MYO5A: variants seen among roughly 807,000 people sequenced by gnomAD.
MYO5A encodes the protein myosin VA, also known as unconventional myosin-Va.
Under a neutral mutation model 249.7 loss-of-function variants are expected in MYO5A, and 98 were observed. That is an observed-to-expected ratio of 0.39 (90% CI 0.33 to 0.46). The LOEUF is 0.46. MYO5A is among the 20% of genes least tolerant of loss of function. The pLI is 0.98. For missense variants in MYO5A, 1,696 were observed against 2,308.8 expected (o/e 0.73, Z 5.44); for synonymous variants, 778 against 810.6 (o/e 0.96, Z 0.68).
intron 35 of MYO5A, among the ~76,000 whole-genome samples, chr15:52,328,807 T>C (rs2038734776): frequency 6.6e-6 from 1 of 152,206 alleles, no homozygotes; most frequent in Admixed American, 6.5e-5. Flanking sequence ...CTGCTCCAAA[T>C]GGGTCTCCTT....
chr15:52,348,511 C>G (rs1226558680), intron 29 of MYO5A, among the ~76,000 whole-genome samples: 1 of 152,098 alleles, frequency 6.6e-6, no homozygotes, highest in Non-Finnish European at 1.5e-5. Flanking sequence ...GAGTGTACTC[C>G]AAGTTAAGGG....
At chr15:52,433,669 G>A (rs1595674580) in intron 1 of MYO5A, among the ~76,000 whole-genome samples, 1 of 151,892 alleles carries the variant, frequency 6.6e-6, no homozygotes, top group South Asian at 2.1e-4. Context: ...TGATCCACCC[G>A]CCTCAGCCTC....
rs1320136208 is a variant in MYO5A at position 52,389,270 on chromosome 15, T to C, written c.1636A>G (p.Lys546Glu). 1 of 1,613,554 alleles carries C rather than the reference T, an allele frequency of 6.2e-7. No homozygotes were observed. The highest frequency in any genetic ancestry group is 2.2e-5 in the East Asian group (1 of 44,836). ...GCAAAATGTTGGATGATGAAAGCTT[T>C]GTTTGATAGACGAGGCTTTTCAAAG... is the stretch of plus-strand genomic sequence containing the variant. ...ALFEKPRLSN[K>E]AFIIQHFADK... Residue 546 changes from lysine (K) to glutamate (E), a missense_variant, in exon 13 of 42, where the codon AAA becomes GAA. Physicochemically the swap from Lys to Glu is moderately conservative, Grantham distance 56 (BLOSUM62 1). Coordinates refer to ENST00000399233, the MANE Select transcript of MYO5A (RefSeq NM_001382347.1).
chr15:52,500,025 C>T (rs927671823), intron 1 of MYO5A, among the ~76,000 whole-genome samples: 1 of 151,702 alleles, frequency 6.6e-6, no homozygotes, highest in East Asian at 1.9e-4. Flanking sequence ...TGCACTTCAG[C>T]GTAGGTGACA....
intron 1 of MYO5A, among the ~76,000 whole-genome samples, chr15:52,450,850 T>TG (rs1266465666): frequency 1.3e-5 from 1 of 74,166 alleles, no homozygotes; most frequent in Non-Finnish European, 2.3e-5. Context: ...GTGGTTTTTT[T>TG]TTTTTTTTTT....
chr15:52,384,323 C>A lies in MYO5A; in HGVS notation c.1753-1G>T. 1 of 1,614,056 alleles carries A rather than the reference C, an allele frequency of 6.2e-7. No homozygotes were observed. The highest frequency in any genetic ancestry group is 1.1e-5 in the South Asian group (1 of 91,076). ...GAAATAGTTCTGGTAGCATCTTAAA[C>A]TAAGTCAGAAACAATATAAAGAAAT... On this transcript the variant is annotated splice_acceptor_variant, in intron 14 of 41. Coordinates refer to ENST00000399233, the MANE Select transcript of MYO5A (RefSeq NM_001382347.1). LOFTEE classifies it high-confidence loss of function.
chr15:52,375,253 T>C lies in MYO5A; in HGVS notation c.2577+51A>G, dbSNP rs3816449. ...TGTGGTACTCTGTATAGATGTGAAA[T>C]TTGGTTAATGCTAATAGAATGAATA... On this transcript the variant is annotated intron_variant, in intron 20 of 41. Transcript: ENST00000399233. The C allele has an allele frequency of 0.16, 258,916 of 1,586,576 alleles. 21,773 individuals are homozygous for C. Among genetic ancestry groups the C allele is most frequent in the Middle Eastern group, 0.23 (1,355 of 6,016 alleles).
At chr15:52,344,797 G>C (rs1007783844) in intron 30 of MYO5A, among the ~76,000 whole-genome samples, 2 of 152,214 alleles carry the variant, frequency 1.3e-5, no homozygotes, top group Non-Finnish European at 2.9e-5. Context: ...TATAATCTCA[G>C]TGAGAGTAGG....
At position 52,308,092 on chromosome 15, in the gene MYO5A, T is replaced by C. The variant is rs1170214344; in HGVS notation, c.*5604A>G. ...CTAACCTGCCAAGCACTGAATTATATATACCAGTTTCAACTAAAAAACAAC... is the reference window on the plus strand; with the variant it reads ...CTAACCTGCCAAGCACTGAATTATACATACCAGTTTCAACTAAAAAACAAC... On this transcript the variant is annotated 3_prime_UTR_variant, in exon 42 of 42. Coordinates refer to ENST00000399233, the MANE Select transcript of MYO5A (RefSeq NM_001382347.1). 6.6e-6 allele frequency: 1 copy of C among 152,184 alleles called. No individual in the cohort carries two copies. The highest frequency in any genetic ancestry group is 1.5e-5 in the Non-Finnish European group (1 of 68,016). 9.4% of individuals were successfully genotyped at this position (152,184 alleles called of 1,614,324 possible).
intron 1 of MYO5A, among the ~76,000 whole-genome samples, chr15:52,509,491 T>C (rs1258572499): frequency 6.6e-6 from 1 of 152,202 alleles, no homozygotes; most frequent in Non-Finnish European, 1.5e-5. Context: ...ACAGACAGCA[T>C]GATTAATGAA....
At chr15:52,380,857 G>C (rs1323091190) in intron 16 of MYO5A, among the ~76,000 whole-genome samples, 1 of 152,190 alleles carries the variant, frequency 6.6e-6, no homozygotes, top group African/African-American at 2.4e-5. Flanking sequence ...GAAGTCATTA[G>C]CTCAGTATAC....
At chr15:52,448,778 G>T (rs1377328971) in intron 1 of MYO5A, among the ~76,000 whole-genome samples, 1 of 151,886 alleles carries the variant, frequency 6.6e-6, no homozygotes, top group Non-Finnish European at 1.5e-5. Flanking sequence ...ACCCTCTCTT[G>T]TCCTCATGCT....
intron 4 of MYO5A, among the ~76,000 whole-genome samples, chr15:52,423,122 G>A (rs767487922): frequency 5.9e-5 from 9 of 152,050 alleles, no homozygotes; most frequent in Non-Finnish European, 1.2e-4. Context: ...GCGTTTGGAC[G>A]GTGTTCAATA....
chr15:52,504,859 A>T (rs2077234293), intron 1 of MYO5A, among the ~76,000 whole-genome samples: 1 of 151,740 alleles, frequency 6.6e-6, no homozygotes, highest in South Asian at 2.1e-4. Flanking sequence ...ACTGCACTCC[A>T]GCCCGGGCGA....
intron 1 of MYO5A, among the ~76,000 whole-genome samples, chr15:52,501,949 C>T (rs1271899016): frequency 6.6e-6 from 1 of 151,668 alleles, no homozygotes; most frequent in African/African-American, 2.4e-5. Context: ...ATATCCTAGA[C>T]ATTTATCCAT....
Position 52,307,519 on chromosome 15 carries a change from A to G in MYO5A, c.*6177T>C, listed in dbSNP as rs1407080675. The G allele has an allele frequency of 6.6e-6, 1 of 152,158 alleles. No individual in the cohort carries two copies. Among genetic ancestry groups the G allele is most frequent in the Non-Finnish European group, 1.5e-5 (1 of 68,002 alleles). 9.4% of individuals were successfully genotyped at this position (152,158 alleles called of 1,614,324 possible). The stretch of plus-strand genomic sequence containing the variant: ...AACTTATTTTTAAAAATTGCACGTG[A>G]GATATGCTAGAATGGGTTCTAGAGT... On this transcript the variant is annotated 3_prime_UTR_variant, in exon 42 of 42. Transcript: ENST00000399233.
intron 1 of MYO5A, among the ~76,000 whole-genome samples, chr15:52,485,259 T>TAAAAAAAAAA (rs72085613): frequency 2.9e-5 from 3 of 102,762 alleles, no homozygotes; most frequent in Non-Finnish European, 4.1e-5. Context: ...ATTCACTATG[T>TAAAAAAAAAA]AAAAAAAAAA....
At chr15:52,443,195 T>G (rs781356810) in intron 1 of MYO5A, among the ~76,000 whole-genome samples, 2 of 152,168 alleles carry the variant, frequency 1.3e-5, no homozygotes, top group Non-Finnish European at 2.9e-5. Context: ...GTCAAAGCCA[T>G]GCCAATCAGC....
At chr15:52,522,674 A>T (rs1037178443) in intron 1 of MYO5A, among the ~76,000 whole-genome samples, 2 of 152,142 alleles carry the variant, frequency 1.3e-5, no homozygotes, top group Admixed American at 6.5e-5. Context: ...AAAATGAAAA[A>T]CAGAGAAACT....
Sources: gnomAD v4.1 joint callset for allele counts (sites outside exome capture counted in the v4.1 genomes callset) on GRCh38, gnomAD v4.1.1 for gene constraint, MANE v1.5 for transcripts, NCBI Gene and HGNC (gene_info 2026-07-23, HGNC 2026-07-21) for gene names.